The following RPSA2 variants were observed in gnomAD, a reference collection of about 807,000 sequenced individuals.
RPSA2 encodes the protein small ribosomal subunit protein uS2B.
chr19:23,828,141 C>T, the RPSA2 span: 1 of 677,528 alleles, frequency 1.5e-6, no homozygotes, highest in South Asian at 1.8e-5. Flanking sequence ...AAAAATGCTG[C>T]AATAATTATG....
At chr19:23,812,260 A>G in the RPSA2 span, among the ~76,000 whole-genome samples, 4 of 152,144 alleles carry the variant, frequency 2.6e-5, no homozygotes, top group African/African-American at 9.7e-5. Flanking sequence ...GTGGGGTTTA[A>G]TTAAAAGATA....
chr19:23,841,937 G>C, the RPSA2 span, among the ~76,000 whole-genome samples: 384 of 152,222 alleles, frequency 2.5e-3, 1 homozygote, highest in African/African-American at 8.6e-3. Flanking sequence ...TTTCTGAATA[G>C]TTTCTCTTTG....
At chr19:23,859,487 C>T in the RPSA2 span, among the ~76,000 whole-genome samples, 1,356 of 152,140 alleles carry the variant, frequency 8.9e-3, 12 homozygotes, top group Non-Finnish European at 0.013. Context: ...AATTAGCCAG[C>T]GTGGTGGCAC....
the RPSA2 span, among the ~76,000 whole-genome samples, chr19:23,813,396 C>A: frequency 1.5e-4 from 23 of 152,198 alleles, no homozygotes; most frequent in East Asian, 4.4e-3. Flanking sequence ...AAACACCCTT[C>A]CACTTTCTGT....
chr19:23,789,659 G>A, the RPSA2 span, among the ~76,000 whole-genome samples: 4 of 151,894 alleles, frequency 2.6e-5, no homozygotes, highest in East Asian at 1.9e-4. Flanking sequence ...TAAAGCTCTC[G>A]GGTGGCACAG....
chr19:23,860,195 C>T, the RPSA2 span, among the ~76,000 whole-genome samples: 18 of 152,050 alleles, frequency 1.2e-4, no homozygotes, highest in African/African-American at 2.7e-4. Context: ...GAGCTGAGCC[C>T]CCATCATAAT....
the RPSA2 span, among the ~76,000 whole-genome samples, chr19:23,867,552 C>T: frequency 1.3e-5 from 2 of 152,126 alleles, no homozygotes; most frequent in East Asian, 1.9e-4. Context: ...AGACTGGGGC[C>T]GGGTGCGGTG....
At chr19:23,800,027 C>CTTTTTTT in the RPSA2 span, among the ~76,000 whole-genome samples, 32 of 110,942 alleles carry the variant, frequency 2.9e-4, no homozygotes, top group African/African-American at 4.4e-4. Flanking sequence ...TTTTCTTTTT[C>CTTTTTTT]TTTTTTTTTT....
At chr19:23,759,334 G>C in the RPSA2 span, among the ~76,000 whole-genome samples, 148,695 of 151,986 alleles carry the variant, frequency 0.98, 72,830 homozygotes, top group Middle Eastern at 1. Context: ...CGTCACTCAC[G>C]CGCTCTTTAG....
At chr19:23,871,114 C>T in the RPSA2 span, among the ~76,000 whole-genome samples, 44 of 152,262 alleles carry the variant, frequency 2.9e-4, no homozygotes, top group African/African-American at 9.4e-4. Flanking sequence ...AACTCAGGGC[C>T]CTTGTTCACT....
chr19:23,857,862 T>C, the RPSA2 span, among the ~76,000 whole-genome samples: 3 of 152,032 alleles, frequency 2.0e-5, no homozygotes, highest in African/African-American at 7.2e-5. Context: ...AATTATGGAA[T>C]TTCTTTAAAA....
At chr19:23,843,243 TA>T in the RPSA2 span, 1 of 256,410 alleles carries the variant, frequency 3.9e-6, no homozygotes, top group South Asian at 4.4e-5. Flanking sequence ...CCCTGGTATG[TA>T]AAGAGACATG....
chr19:23,814,231 G>A, the RPSA2 span, among the ~76,000 whole-genome samples: 23 of 108,398 alleles, frequency 2.1e-4, no homozygotes, highest in African/African-American at 6.9e-4. Flanking sequence ...AAAAAAAAAA[G>A]AAGTTATCTT....
the RPSA2 span, among the ~76,000 whole-genome samples, chr19:23,870,088 CCT>C: frequency 1.3e-5 from 2 of 152,268 alleles, no homozygotes; most frequent in Admixed American, 6.5e-5. Flanking sequence ...TGATGCCACC[CCT>C]GTTTGGCACT....
At chr19:23,830,530 A>C in the RPSA2 span, among the ~76,000 whole-genome samples, 3 of 152,266 alleles carry the variant, frequency 2.0e-5, no homozygotes, top group South Asian at 6.2e-4. Context: ...TTTGTTATAA[A>C]TATCTTTCTG....
the RPSA2 span, among the ~76,000 whole-genome samples, chr19:23,834,865 T>TA: frequency 6.6e-6 from 1 of 152,118 alleles, no homozygotes; most frequent in African/African-American, 2.4e-5. Context: ...GCCAATAAGT[T>TA]AAAAAATATT....
the RPSA2 span, chr19:23,807,732 C>A: frequency 3.7e-6 from 1 of 269,816 alleles, no homozygotes. Context: ...AAGTCAGAAC[C>A]AGTTTTTTTT....
At chr19:23,845,968 C>A in the RPSA2 span, among the ~76,000 whole-genome samples, 3 of 152,144 alleles carry the variant, frequency 2.0e-5, no homozygotes, top group South Asian at 6.2e-4. Context: ...GATTTGCCAG[C>A]TTTCCTATCT....
chr19:23,775,573 C>G, the RPSA2 span, among the ~76,000 whole-genome samples: 1 of 152,150 alleles, frequency 6.6e-6, no homozygotes, highest in Admixed American at 6.5e-5. Flanking sequence ...CTCATGCACA[C>G]CCAGCCAACA....
Sources: gnomAD v4.1 joint callset for allele counts (sites outside exome capture counted in the v4.1 genomes callset) on GRCh38, gnomAD v4.1.1 for gene constraint, MANE v1.5 for transcripts, NCBI Gene and HGNC (gene_info 2026-07-23, HGNC 2026-07-21) for gene names.